The following LINGO2 variants were observed in gnomAD, a reference collection of about 807,000 sequenced individuals.
LINGO2 encodes leucine-rich repeat and immunoglobulin-like domain-containing nogo receptor-interacting protein 2.
LINGO2 carries 14 observed loss-of-function variants against 30.6 expected under a neutral mutation model. That is an observed-to-expected ratio of 0.46 (90% CI 0.30 to 0.72). The LOEUF is 0.72. LINGO2 is among the 30% of genes least tolerant of loss of function. The probability of loss-of-function intolerance (pLI) is 0.07; values close to 1 mark genes in which losing one functional copy is unlikely to be tolerated. For missense variants in LINGO2, 729 were observed against 751.7 expected (o/e 0.97, Z 0.35); for synonymous variants, 317 against 288.5 (o/e 1.10, Z -1.00).
intron 4 of LINGO2, among the ~76,000 whole-genome samples, chr9:28,104,669 T>C (rs933712628): frequency 2.0e-5 from 3 of 152,134 alleles, no homozygotes; most frequent in Non-Finnish European, 2.9e-5. Context: ...CTGTATGTTT[T>C]TTACTAACTC....
intron 1 of LINGO2, among the ~76,000 whole-genome samples, chr9:28,621,313 T>A (rs1826380476): frequency 6.6e-6 from 1 of 151,994 alleles, no homozygotes; most frequent in African/African-American, 2.4e-5. Flanking sequence ...ATTAAGTAAG[T>A]CATATTTTCA....
At position 27,959,488 on chromosome 9, in the gene LINGO2, T is replaced by C. The variant is rs564374310; in HGVS notation, c.-35-8782A>G. On this transcript the variant is annotated intron_variant, in intron 5 of 5. Coordinates refer to ENST00000379992, the Ensembl canonical transcript of LINGO2. ...GGTCAAAAACGTTTTCTAATTTACT[T>C]TGTGCTTCCTTCTTTGTCCCATCTA... Among the ~76,000 whole-genome samples, 4 of 149,368 alleles carry C rather than the reference T, an allele frequency of 2.7e-5. No homozygotes were observed. The East Asian group carries it at 7.7e-4, about 29-fold the overall frequency.
the LINGO2 span, among the ~76,000 whole-genome samples, chr9:28,924,041 A>G: frequency 6.6e-6 from 1 of 152,206 alleles, no homozygotes; most frequent in African/African-American, 2.4e-5. Flanking sequence ...TCAAATGTAG[A>G]TAAGACCATG....
the LINGO2 span, among the ~76,000 whole-genome samples, chr9:28,823,396 C>T: frequency 1.3e-5 from 2 of 152,070 alleles, no homozygotes; most frequent in African/African-American, 2.4e-5. Context: ...AAGGTTTTTC[C>T]GAAGATTACC....
chr9:28,698,224 A>G, the LINGO2 span, among the ~76,000 whole-genome samples: 1 of 152,046 alleles, frequency 6.6e-6, no homozygotes, highest in African/African-American at 2.4e-5. Context: ...AATTTGCTCA[A>G]TGGTATTTGC....
chr9:29,015,092 T>C, the LINGO2 span, among the ~76,000 whole-genome samples: 2 of 152,070 alleles, frequency 1.3e-5, no homozygotes, highest in Non-Finnish European at 2.9e-5. Flanking sequence ...TAATTGGATT[T>C]AATAATTCTT....
intron 4 of LINGO2, among the ~76,000 whole-genome samples, chr9:28,248,315 G>A (rs1822075503): frequency 6.6e-6 from 1 of 152,122 alleles, no homozygotes; most frequent in African/African-American, 2.4e-5. Flanking sequence ...CAACAGGGAT[G>A]GAACTGGAAG....
the LINGO2 span, among the ~76,000 whole-genome samples, chr9:29,128,154 C>A: frequency 1.3e-5 from 2 of 152,074 alleles, no homozygotes; most frequent in Non-Finnish European, 2.9e-5. Flanking sequence ...GGAAAACATA[C>A]AAAGTGGCAC....
chr9:28,844,947 C>A, the LINGO2 span, among the ~76,000 whole-genome samples: 1 of 151,852 alleles, frequency 6.6e-6, no homozygotes, highest in Non-Finnish European at 1.5e-5. Flanking sequence ...TCTTCTTTAT[C>A]ATTTATCCAT....
chr9:29,014,429 A>T, the LINGO2 span, among the ~76,000 whole-genome samples: 1 of 152,160 alleles, frequency 6.6e-6, no homozygotes, highest in Admixed American at 6.6e-5. Context: ...TCTAATAATA[A>T]ACATTGTGAT....
At chr9:28,189,269 G>GGAAGGAAGGGAGGAAGGAAGGGAGGA (rs1564028609) in intron 4 of LINGO2, among the ~76,000 whole-genome samples, 1 of 52,952 alleles carries the variant, frequency 1.9e-5, no homozygotes, top group South Asian at 6.6e-4. Flanking sequence ...GGAAGGGAGG[G>GGAAGGAAGGGAGGAAGGAAGGGAGGA]AGGAAGGGAG....
chr9:28,863,479 C>A, the LINGO2 span: 1 of 349,208 alleles, frequency 2.9e-6, no homozygotes, highest in South Asian at 2.1e-5. Context: ...TCACTGTTAA[C>A]ACTAAGCACC....
chr9:28,831,218 A>G, the LINGO2 span, among the ~76,000 whole-genome samples: 1 of 152,224 alleles, frequency 6.6e-6, no homozygotes, highest in African/African-American at 2.4e-5. Flanking sequence ...TTAATTACCA[A>G]TTTCCTACTG....
chr9:28,726,235 C>G, the LINGO2 span, among the ~76,000 whole-genome samples: 4 of 151,924 alleles, frequency 2.6e-5, no homozygotes. Flanking sequence ...TTATTTCGTC[C>G]TTATTTCTTT....
chr9:28,347,317 G>C (rs1402398304), intron 3 of LINGO2, among the ~76,000 whole-genome samples: 7 of 152,170 alleles, frequency 4.6e-5, no homozygotes, highest in Non-Finnish European at 8.8e-5. Context: ...ACAAACACTA[G>C]CTAGACCCAT....
intron 2 of LINGO2, among the ~76,000 whole-genome samples, chr9:28,397,543 C>CTTTTTTTTTTTT (rs386414751): frequency 9.1e-6 from 1 of 110,004 alleles, no homozygotes; most frequent in Non-Finnish European, 1.8e-5. Context: ...CAATAGATGT[C>CTTTTTTTTTTTT]TTTTTTTTTT....
At chr9:28,225,481 C>T (rs1198802304) in intron 4 of LINGO2, among the ~76,000 whole-genome samples, 5 of 151,892 alleles carry the variant, frequency 3.3e-5, no homozygotes, top group Non-Finnish European at 7.4e-5. Flanking sequence ...AAAAATTCTT[C>T]CTAAACATAA....
At chr9:27,997,524 A>AT (rs11433367) in intron 5 of LINGO2, among the ~76,000 whole-genome samples, 7,173 of 151,974 alleles carry the variant, frequency 0.047, 553 homozygotes, top group African/African-American at 0.16. Context: ...CCTATAACAT[A>AT]TTTTTTCTAA....
chr9:27,966,862 G>A (rs953594625), intron 5 of LINGO2, among the ~76,000 whole-genome samples: 2 of 152,074 alleles, frequency 1.3e-5, no homozygotes, highest in East Asian at 1.9e-4. Context: ...GTGTGCCTAC[G>A]GAGAACAACT....
Sources: allele counts gnomAD v4.1 joint callset (sites outside exome capture counted in the v4.1 genomes callset), GRCh38; gene constraint gnomAD v4.1.1; transcripts MANE v1.5; gene names NCBI Gene and HGNC (gene_info 2026-07-23, HGNC 2026-07-21).